XKR4: variants seen among roughly 807,000 people sequenced by gnomAD.
XKR4 encodes XK-related protein 4.
A neutral mutation model predicts 53.9 loss-of-function variants in XKR4; 12 were observed. The ratio of observed to expected loss-of-function variants is 0.22; its 90% CI spans 0.14 to 0.36. The LOEUF (loss-of-function observed/expected upper bound fraction) is 0.36, where lower values mean the gene tolerates loss of function less well. Among genes scored for constraint, XKR4 ranks in the 10% least tolerant of loss-of-function variants. The pLI is 1.00. For synonymous variants in XKR4, 354 were observed against 362.4 expected, an observed-to-expected ratio of 0.98 and a Z score of 0.26; for missense variants, 799 against 859.5, an observed-to-expected ratio of 0.93 and a Z score of 0.88.
intron 2 of XKR4, chr8:55,452,807 G>A: frequency 1.3e-6 from 1 of 775,836 alleles, no homozygotes; most frequent in South Asian, 1.3e-5. Flanking sequence ...TGGGGACCAG[G>A]CTGTTGCTGG....
chr8:55,520,621 T>C (rs769691380), intron 2 of XKR4, among the ~76,000 whole-genome samples: 2 of 152,194 alleles, frequency 1.3e-5, no homozygotes, highest in Admixed American at 6.5e-5. Flanking sequence ...GAAGAGAAAT[T>C]CTCATTGCTA....
At chr8:55,404,624 A>G (rs1451138532) in intron 2 of XKR4, among the ~76,000 whole-genome samples, 1 of 152,220 alleles carries the variant, frequency 6.6e-6, no homozygotes, top group African/African-American at 2.4e-5. Context: ...TCTGTGATCT[A>G]TAAATAGTAA....
intron 2 of XKR4, among the ~76,000 whole-genome samples, chr8:55,484,556 CA>C (rs1473279138): frequency 6.6e-6 from 1 of 152,076 alleles, no homozygotes; most frequent in Non-Finnish European, 1.5e-5. Context: ...ATTAACATGC[CA>C]AAGAAGAAAA....
intron 1 of XKR4, among the ~76,000 whole-genome samples, chr8:55,230,031 T>C (rs1399157135): frequency 6.6e-6 from 1 of 152,190 alleles, no homozygotes; most frequent in Non-Finnish European, 1.5e-5. Context: ...TCTCTCACTC[T>C]ATGTGGGTTG....
intron 1 of XKR4, among the ~76,000 whole-genome samples, chr8:55,316,954 CT>C (rs1219219746): frequency 6.6e-5 from 10 of 152,094 alleles, no homozygotes; most frequent in Non-Finnish European, 1.5e-4. Context: ...GTTAAAGGGA[CT>C]TTTAATTAAA....
intron 1 of XKR4, among the ~76,000 whole-genome samples, chr8:55,275,451 T>C (rs1357386738): frequency 1.3e-5 from 2 of 152,202 alleles, no homozygotes; most frequent in Non-Finnish European, 2.9e-5. Flanking sequence ...AGATACTGTA[T>C]AATAAATATA....
intron 1 of XKR4, among the ~76,000 whole-genome samples, chr8:55,216,921 A>G (rs548003359): frequency 3.5e-4 from 53 of 152,294 alleles, no homozygotes; most frequent in Non-Finnish European, 6.3e-4. Context: ...TTGACAAAAA[A>G]TACTGAAAAG....
chr8:55,335,126 G>C (rs1482629295), intron 1 of XKR4, among the ~76,000 whole-genome samples: 2 of 152,200 alleles, frequency 1.3e-5, no homozygotes, highest in African/African-American at 4.8e-5. Context: ...GATGGCTGCT[G>C]TCAGTACCTG....
intron 1 of XKR4, among the ~76,000 whole-genome samples, chr8:55,336,056 AAAAG>A (rs1441806568): frequency 1.3e-5 from 2 of 151,144 alleles, no homozygotes; most frequent in Non-Finnish European, 3.0e-5. Flanking sequence ...AAAAAAAAAA[AAAAG>A]AAAAGAAAAA....
chr8:55,494,603 T>A (rs568459416), intron 2 of XKR4, among the ~76,000 whole-genome samples: 5 of 152,134 alleles, frequency 3.3e-5, no homozygotes, highest in African/African-American at 9.6e-5. Context: ...GCAGCCAGGG[T>A]GTCCAACGAG....
intron 1 of XKR4, among the ~76,000 whole-genome samples, chr8:55,305,587 T>C (rs1397700263): frequency 6.6e-6 from 1 of 152,224 alleles, no homozygotes; most frequent in Non-Finnish European, 1.5e-5. Context: ...TTTATCTATG[T>C]AAATTGGGCA....
At chr8:55,404,234 A>T (rs550364961) in intron 2 of XKR4, among the ~76,000 whole-genome samples, 2 of 152,326 alleles carry the variant, frequency 1.3e-5, no homozygotes, top group East Asian at 3.9e-4. Context: ...GTGGATAGAT[A>T]GGAAAGAGAG....
At chr8:55,211,588 A>G (rs904486019) in intron 1 of XKR4, among the ~76,000 whole-genome samples, 6 of 152,202 alleles carry the variant, frequency 3.9e-5, no homozygotes, top group Admixed American at 6.5e-5. Context: ...GTTTTATTTA[A>G]TTACTCCATG....
chr8:55,300,452 A>C (rs1402961515), intron 1 of XKR4, among the ~76,000 whole-genome samples: 1 of 152,104 alleles, frequency 6.6e-6, no homozygotes, highest in African/African-American at 2.4e-5. Flanking sequence ...ACAGGAGCTG[A>C]GGTGGAGTGA....
intron 1 of XKR4, among the ~76,000 whole-genome samples, chr8:55,132,075 C>G (rs1456090934): frequency 6.6e-6 from 1 of 152,140 alleles, no homozygotes; most frequent in African/African-American, 2.4e-5. Flanking sequence ...AACCAGCAGT[C>G]AGCAGTCATT....
chr8:55,265,824 A>G (rs1465049408), intron 1 of XKR4, among the ~76,000 whole-genome samples: 1 of 151,794 alleles, frequency 6.6e-6, no homozygotes, highest in Non-Finnish European at 1.5e-5. Context: ...ACTAAAAAAA[A>G]AAATACAAAA....
chr8:55,105,924 C>G (rs950895527), intron 1 of XKR4, among the ~76,000 whole-genome samples: 2 of 152,108 alleles, frequency 1.3e-5, no homozygotes, highest in Non-Finnish European at 2.9e-5. Context: ...GCTAATAAGC[C>G]GACGAAGTGC....
Position 55,102,376 on chromosome 8 carries a change from G to C in XKR4, c.-113G>C, listed in dbSNP as rs1816055639. On this transcript the variant is annotated 5_prime_UTR_variant, in exon 1 of 3. Transcript: ENST00000327381. The surrounding 1 kb of genome is among the most constrained non-coding windows in gnomAD (Gnocchi z 5.1). ...AGCCGACGCAGGAGCAGGAGGAGGG[G>C]GAGCCGCACCGCCTGGGAGGGAAGC... 3.1e-6 allele frequency: 4 copies of C among 1,285,020 alleles called. No individual in the cohort carries two copies. The South Asian group carries it at 8.2e-5, about 26-fold the overall frequency. 79.6% of individuals were successfully genotyped at this position (1,285,020 alleles called of 1,614,324 possible).
At chr8:55,278,856 A>C (rs1379820932) in intron 1 of XKR4, among the ~76,000 whole-genome samples, 1 of 152,202 alleles carries the variant, frequency 6.6e-6, no homozygotes, top group Non-Finnish European at 1.5e-5. Context: ...AGTATTTCAA[A>C]GTCTTCTCCA....
Sources: gnomAD v4.1 joint callset for allele counts (sites outside exome capture counted in the v4.1 genomes callset) on GRCh38, gnomAD v4.1.1 for gene constraint, Gnocchi (gnomAD v3.1) non-coding constraint, MANE v1.5 for transcripts, NCBI Gene and HGNC (gene_info 2026-07-23, HGNC 2026-07-21) for gene names.